PGPEP1L: variants seen among roughly 807,000 people sequenced by gnomAD.
The protein encoded by PGPEP1L is pyroglutamyl-peptidase 1-like protein.
PGPEP1L carries 7 observed loss-of-function variants against 6.0 expected under a neutral mutation model. That is an observed-to-expected ratio of 1.17 (90% CI 0.66 to 2.19). The LOEUF (loss-of-function observed/expected upper bound fraction) is 2.19, where lower values mean the gene tolerates loss of function less well. Ranked by LOEUF, PGPEP1L falls within the 30% of genes most tolerant of loss-of-function variation. The pLI is 0.00. For missense variants in PGPEP1L, 209 were observed against 192.5 expected, an observed-to-expected ratio of 1.09 and a Z score of -0.51; for synonymous variants, 103 against 83.9, an observed-to-expected ratio of 1.23 and a Z score of -1.24.
At position 99,007,612 on chromosome 15, in the gene PGPEP1L, C is replaced by A. The variant is rs773490544; in HGVS notation, c.-623G>T. The stretch of plus-strand genomic sequence containing the variant: ...TTAAGGTGGCGTGTTTGGAGTTATT[C>A]GTTTCTCCCGGTGGGTCCGTGATGT... On this transcript the variant is annotated 5_prime_UTR_variant, in exon 1 of 5. Coordinates refer to ENST00000535714, the MANE Select transcript of PGPEP1L (RefSeq NM_001167902.2). 4 of 151,950 alleles carry A rather than the reference C, an allele frequency of 2.6e-5. No individual in the cohort carries two copies. The highest frequency in any genetic ancestry group is 5.9e-5 in the Non-Finnish European group (4 of 68,066). 9.4% of individuals were successfully genotyped at this position (151,950 alleles called of 1,614,324 possible).
chr15:98,986,045 G>C (rs554953465), intron 2 of PGPEP1L, among the ~76,000 whole-genome samples: 124 of 152,318 alleles, frequency 8.1e-4, no homozygotes, highest in Middle Eastern at 3.4e-3. Flanking sequence ...GCTCTTCTTA[G>C]AATCTGCTTT....
intron 2 of PGPEP1L, among the ~76,000 whole-genome samples, chr15:98,999,826 ATT>A (rs1249223883): frequency 6.6e-5 from 10 of 152,266 alleles, no homozygotes; most frequent in Non-Finnish European, 2.9e-5. Context: ...ATGAAATATT[ATT>A]TGTCAATAAA....
intron 2 of PGPEP1L, among the ~76,000 whole-genome samples, chr15:98,980,846 T>A (rs2151758329): frequency 1.3e-5 from 2 of 151,646 alleles, no homozygotes; most frequent in South Asian, 4.2e-4. Context: ...CCAGGAGAAT[T>A]GCTCGAACCT....
At chr15:98,995,476 T>C (rs533353443) in intron 2 of PGPEP1L, among the ~76,000 whole-genome samples, 1 of 152,186 alleles carries the variant, frequency 6.6e-6, no homozygotes, top group Non-Finnish European at 1.5e-5. Context: ...GGTGGGCAGA[T>C]CACCTGAGGT....
chr15:98,995,732 G>T (rs1453108051), intron 2 of PGPEP1L, among the ~76,000 whole-genome samples: 2 of 152,146 alleles, frequency 1.3e-5, no homozygotes, highest in Non-Finnish European at 2.9e-5. Context: ...TTTAGTAGAT[G>T]CAGAGTTATG....
chr15:98,968,820 A>C (rs1301534555), intron 4 of PGPEP1L, 123 bp from the exon 5 acceptor site: 2 of 875,462 alleles, frequency 2.3e-6, no homozygotes, highest in East Asian at 2.7e-5. Flanking sequence ...CCCAAGGGAG[A>C]CTTGTGTTGT....
chr15:98,991,421 C>A (rs991980417), intron 2 of PGPEP1L, among the ~76,000 whole-genome samples: 2 of 152,132 alleles, frequency 1.3e-5, no homozygotes, highest in Non-Finnish European at 2.9e-5. Flanking sequence ...GAAGCCAAAT[C>A]CCTAAATAGA....
At chr15:98,994,319 A>G (rs2017858726) in intron 2 of PGPEP1L, among the ~76,000 whole-genome samples, 1 of 151,968 alleles carries the variant, frequency 6.6e-6, no homozygotes, top group South Asian at 2.1e-4. Flanking sequence ...AAAAGCTTTC[A>G]TTGTCTTACA....
At chr15:98,999,113 TAA>T (rs1555472730) in intron 2 of PGPEP1L, among the ~76,000 whole-genome samples, 3 of 152,058 alleles carry the variant, frequency 2.0e-5, no homozygotes, top group South Asian at 4.1e-4. Context: ...CCGTCAAAAT[TAA>T]AAACTCTTGC....
chr15:99,006,593 C>G (rs2018067538), intron 1 of PGPEP1L, among the ~76,000 whole-genome samples: 2 of 152,160 alleles, frequency 1.3e-5, no homozygotes, highest in African/African-American at 4.8e-5. Flanking sequence ...TTTTGAGAGG[C>G]CAAGGTAGGA....
At chr15:98,981,233 C>A (rs1219463810) in intron 2 of PGPEP1L, among the ~76,000 whole-genome samples, 1 of 152,144 alleles carries the variant, frequency 6.6e-6, no homozygotes, top group Non-Finnish European at 1.5e-5. Flanking sequence ...TGGCTCCCGC[C>A]TGTAATCCCA....
chr15:98,976,980 C>A (rs1234846828), intron 2 of PGPEP1L, among the ~76,000 whole-genome samples: 2 of 141,758 alleles, frequency 1.4e-5, no homozygotes, highest in African/African-American at 2.7e-5. Context: ...TTATTAGGAC[C>A]CTAGAGAGGT....
chr15:99,005,911 G>T (rs1164630188), intron 1 of PGPEP1L, among the ~76,000 whole-genome samples: 1 of 152,140 alleles, frequency 6.6e-6, no homozygotes, highest in Non-Finnish European at 1.5e-5. Context: ...CCTACAAGTC[G>T]TTTACTTAGA....
intron 2 of PGPEP1L, among the ~76,000 whole-genome samples, chr15:98,973,983 C>T (rs1024549086): frequency 2.0e-5 from 3 of 152,164 alleles, no homozygotes; most frequent in African/African-American, 7.2e-5. Context: ...GACCCAAATA[C>T]ATAAAATTTG....
chr15:98,980,631 C>T (rs897474892), intron 2 of PGPEP1L, among the ~76,000 whole-genome samples: 5 of 151,640 alleles, frequency 3.3e-5, no homozygotes, highest in African/African-American at 9.8e-5. Context: ...GAAGTGGGGA[C>T]AAAAAGTAAC....
At chr15:98,995,749 T>C (rs1555472446) in intron 2 of PGPEP1L, among the ~76,000 whole-genome samples, 1 of 152,140 alleles carries the variant, frequency 6.6e-6, no homozygotes, top group Non-Finnish European at 1.5e-5. Context: ...TATGTAACCA[T>C]TACTACAATC....
chr15:98,980,916 C>G (rs937522631), intron 2 of PGPEP1L, among the ~76,000 whole-genome samples: 5 of 146,020 alleles, frequency 3.4e-5, no homozygotes, highest in African/African-American at 5.1e-5. Flanking sequence ...CTCAGTGACA[C>G]AGAGAGACTC....
intron 2 of PGPEP1L, among the ~76,000 whole-genome samples, chr15:98,979,416 T>C (rs938582070): frequency 2.6e-5 from 4 of 151,988 alleles, no homozygotes; most frequent in African/African-American, 7.3e-5. Context: ...GACATGCACA[T>C]AGCAACACAG....
intron 2 of PGPEP1L, among the ~76,000 whole-genome samples, chr15:98,999,748 G>A (rs965353900): frequency 2.6e-5 from 4 of 152,248 alleles, no homozygotes; most frequent in African/African-American, 7.2e-5. Flanking sequence ...CAGTGGAAGA[G>A]AGAAGTAGAA....
Sources: gnomAD v4.1 joint callset for allele counts (sites outside exome capture counted in the v4.1 genomes callset) on GRCh38, gnomAD v4.1.1 for gene constraint, MANE v1.5 for transcripts, NCBI Gene and HGNC (gene_info 2026-07-23, HGNC 2026-07-21) for gene names.